Variants in PRKAR2B observed in about 807,000 individuals in gnomAD.
PRKAR2B encodes the protein cAMP-dependent protein kinase type II-beta regulatory subunit.
A neutral mutation model predicts 49.9 loss-of-function variants in PRKAR2B; 14 were observed. The observed-to-expected ratio is 0.28, with a 90% CI of 0.19 to 0.44. PRKAR2B has a LOEUF of 0.44. PRKAR2B is among the 20% of genes least tolerant of loss of function. The pLI, the probability that PRKAR2B is intolerant of heterozygous loss-of-function variation, is 1.00. For synonymous variants in PRKAR2B, 196 were observed against 197.7 expected (o/e 0.99, Z 0.07); for missense variants, 393 against 537.9 (o/e 0.73, Z 2.67).
chr7:107,126,733 T>C (rs1795503036), intron 3 of PRKAR2B, among the ~76,000 whole-genome samples: 1 of 152,098 alleles, frequency 6.6e-6, no homozygotes, highest in South Asian at 2.1e-4. Flanking sequence ...GCCTTCCTTA[T>C]TTGAAGTAGG....
Position 107,050,987 on chromosome 7 carries a change from C to T in PRKAR2B, c.307+5773C>T, listed in dbSNP as rs76803431. On this transcript the variant is annotated intron_variant, in intron 1 of 10. Coordinates refer to ENST00000265717, the MANE Select transcript of PRKAR2B (RefSeq NM_002736.3). ...TTGGAATTAGAGGCGTGAGCCACTG[C>T]TCCCTGCCTAGACTTAAGACACCAT... Among the ~76,000 whole-genome samples, 1,197 of 152,268 alleles carry T rather than the reference C, an allele frequency of 7.9e-3. 14 individuals are homozygous for T. Among genetic ancestry groups the T allele is most frequent in the African/African-American group, 0.027 (1,102 of 41,536 alleles).
In PRKAR2B at chr7:107,146,208, G is replaced by A. The variant is rs908374150; in HGVS notation, c.588-100G>A. On this transcript the variant is annotated intron_variant, in intron 5 of 10. Transcript: ENST00000265717. The stretch of plus-strand genomic sequence containing the variant: ...TTGTCATCGGAGGGGATAACAGGCT[G>A]GAAATAAGATTTTTATTTCACAGGG... 41 of 1,234,710 alleles carry A rather than the reference G, an allele frequency of 3.3e-5. No homozygotes were observed. In the African/African-American group the frequency reaches 3.5e-4, roughly 11 times the overall value. The allele number at this position is 1,234,710 out of a possible 1,614,324, so 76.5% of individuals were successfully genotyped here. A position where few individuals can be genotyped will look rare whatever the true frequency, so the allele number is the denominator to read the frequency against.
chr7:107,096,242 G>A (rs1794834530), intron 2 of PRKAR2B, among the ~76,000 whole-genome samples: 1 of 152,198 alleles, frequency 6.6e-6, no homozygotes, highest in Non-Finnish European at 1.5e-5. Flanking sequence ...GAGGATGTAT[G>A]TGTCCAGGAA....
chr7:107,155,826 A>G lies in PRKAR2B; in HGVS notation c.919-1158A>G, dbSNP rs181262639. ...GCACACATATGTTTATTGCAGCACT[A>G]TTTACAATAACAAAGACATGGAACC... On this transcript the variant is annotated intron_variant, in intron 8 of 10. Transcript: ENST00000265717. Among the ~76,000 whole-genome samples, 311 of 152,292 alleles carry G rather than the reference A, an allele frequency of 2.0e-3. 2 individuals carry two copies. Among genetic ancestry groups the G allele is most frequent in the African/African-American group, 7.1e-3 (293 of 41,556 alleles).
chr7:107,056,133 C>T (rs1399555514), intron 1 of PRKAR2B, among the ~76,000 whole-genome samples: 7 of 152,034 alleles, frequency 4.6e-5, no homozygotes, highest in East Asian at 1.9e-4. Flanking sequence ...TGTAGATATG[C>T]GGCATTGTTT....
In PRKAR2B at chr7:107,150,236, G is replaced by A. The variant is rs188852473; in HGVS notation, c.742-686G>A. Among the ~76,000 whole-genome samples, 139 of 152,016 alleles carry A rather than the reference G, an allele frequency of 9.1e-4. 1 individual carries two copies. The highest frequency in any genetic ancestry group is 3.0e-3 in the African/African-American group (126 of 41,466). ...TAAAATTTTTACTAGTTCTTCAACC[G>A]AGTTCTGTATCTTTGAGGGCATGAT... On this transcript the variant is annotated intron_variant, in intron 6 of 10. Transcript: ENST00000265717.
At chr7:107,086,755 C>T (rs76721197) in intron 2 of PRKAR2B, among the ~76,000 whole-genome samples, 3,411 of 152,148 alleles carry the variant, frequency 0.022, 54 homozygotes, top group Non-Finnish European at 0.026. Flanking sequence ...GCCCCCTCAC[C>T]GGACGAAAAT....
At chr7:107,045,477 T>G (rs1793671082) in intron 1 of PRKAR2B, among the ~76,000 whole-genome samples, 1 of 152,144 alleles carries the variant, frequency 6.6e-6, no homozygotes, top group South Asian at 2.1e-4. Context: ...CCTCTTACCC[T>G]TTGCCCCCTC....
At chr7:107,118,575 A>G (rs1405397402) in intron 2 of PRKAR2B, among the ~76,000 whole-genome samples, 2 of 152,204 alleles carry the variant, frequency 1.3e-5, no homozygotes, top group African/African-American at 4.8e-5. Context: ...TGGAGAGGCA[A>G]ACAGCTTGTA....
intron 1 of PRKAR2B, among the ~76,000 whole-genome samples, chr7:107,056,863 G>A (rs927542272): frequency 7.9e-5 from 12 of 152,108 alleles, no homozygotes; most frequent in African/African-American, 2.2e-4. Flanking sequence ...AAAATACAAC[G>A]TGAGGCTTGG....
chr7:107,058,334 T>C (rs1475492661), intron 1 of PRKAR2B, among the ~76,000 whole-genome samples: 1 of 152,210 alleles, frequency 6.6e-6, no homozygotes, highest in Non-Finnish European at 1.5e-5. Context: ...TGGCAAACAA[T>C]TAGTTGGCAT....
intron 2 of PRKAR2B, among the ~76,000 whole-genome samples, chr7:107,106,940 A>T (rs949611964): frequency 1.3e-5 from 2 of 152,098 alleles, no homozygotes; most frequent in Non-Finnish European, 2.9e-5. Flanking sequence ...TTAAGTCAAG[A>T]TCCTGATAAA....
chr7:107,157,042 A>G lies in PRKAR2B; in HGVS notation c.977A>G (p.Lys326Arg). 6.2e-7 allele frequency: 1 copy of G among 1,611,520 alleles called. No homozygotes were observed. Among genetic ancestry groups the G allele is most frequent in the Non-Finnish European group, 8.5e-7 (1 of 1,177,636 alleles). ...TCTGGAGAAGTGAAAATTACTATGAAAAGAAAGGTAAGCATTCTAAGTCCT... is the reference window on the plus strand; with the variant it reads ...TCTGGAGAAGTGAAAATTACTATGAGAAGAAAGGTAAGCATTCTAAGTCCT... ...VESGEVKITM[K>R]RKGKSEVEEN... is the part of the protein sequence containing the mutation. The change falls in exon 9 of 11, where the codon AAA (lysine) becomes AGA (arginine). Residue 326 changes from lysine (K) to arginine (R), a missense_variant. Coordinates refer to ENST00000265717, the MANE Select transcript of PRKAR2B (RefSeq NM_002736.3).
At chr7:107,055,323 T>C (rs1205193628) in intron 1 of PRKAR2B, among the ~76,000 whole-genome samples, 6 of 152,342 alleles carry the variant, frequency 3.9e-5, no homozygotes, top group East Asian at 1.9e-4. Flanking sequence ...TTTGGGTATA[T>C]ACCCAGTAAT....
At chr7:107,079,680 CCTCT>C (rs1330216308) in intron 2 of PRKAR2B, among the ~76,000 whole-genome samples, 1 of 152,110 alleles carries the variant, frequency 6.6e-6, no homozygotes, top group Non-Finnish European at 1.5e-5. Flanking sequence ...CAGCTTCCTT[CCTCT>C]CTCCCTCCCT....
At chr7:107,096,864 G>A (rs1443373685) in intron 2 of PRKAR2B, among the ~76,000 whole-genome samples, 2 of 152,158 alleles carry the variant, frequency 1.3e-5, no homozygotes, top group African/African-American at 4.8e-5. Context: ...ATTGCACTGT[G>A]GTCTGAGAGA....
intron 2 of PRKAR2B, among the ~76,000 whole-genome samples, chr7:107,117,460 G>A (rs1018401006): frequency 3.9e-5 from 6 of 152,060 alleles, no homozygotes; most frequent in African/African-American, 9.7e-5. Context: ...TCTAAACCAC[G>A]CATTCTGTGC....
intron 3 of PRKAR2B, among the ~76,000 whole-genome samples, chr7:107,126,356 G>C (rs147641200): frequency 0.088 from 12,715 of 144,050 alleles, 613 homozygotes; most frequent in Middle Eastern, 0.16. Context: ...GGGAGGCGGA[G>C]ATTGCAGTGA....
At chr7:107,095,285 A>G (rs7780784) in intron 2 of PRKAR2B, among the ~76,000 whole-genome samples, 18,299 of 152,170 alleles carry the variant, frequency 0.12, 1,298 homozygotes, top group African/African-American at 0.19. Context: ...ATGGGAGTTC[A>G]CTCATGATTT....
Sources: allele counts gnomAD v4.1 joint callset (sites outside exome capture counted in the v4.1 genomes callset), GRCh38; gene constraint gnomAD v4.1.1; transcripts MANE v1.5; gene names NCBI Gene and HGNC (gene_info 2026-07-23, HGNC 2026-07-21).